Variants in ARHGAP15 observed in about 807,000 individuals in gnomAD.
ARHGAP15 encodes Rho GTPase activating protein 15, also known as rho GTPase-activating protein 15.
Under a neutral mutation model 63.7 loss-of-function variants are expected in ARHGAP15, and 51 were observed. The observed-to-expected ratio is 0.80, with a 90% CI of 0.64 to 1.01. The LOEUF is 1.01. Among genes scored for constraint, ARHGAP15 ranks in the 50% least tolerant of loss-of-function variants. The probability of loss-of-function intolerance (pLI) is 0.00; values close to 1 mark genes in which losing one functional copy is unlikely to be tolerated. For missense variants in ARHGAP15, 560 were observed against 564.6 expected, an observed-to-expected ratio of 0.99 and a Z score of 0.08; for synonymous variants, 191 against 193.8, an observed-to-expected ratio of 0.99 and a Z score of 0.12.
intron 2 of ARHGAP15, among the ~76,000 whole-genome samples, chr2:143,183,562 T>A (rs539188501): frequency 3.3e-5 from 5 of 152,112 alleles, no homozygotes; most frequent in African/African-American, 1.2e-4. Context: ...CTAAAAAGGA[T>A]AAGATAAGAA....
chr2:143,721,747 C>T (rs1460199500), intron 13 of ARHGAP15, among the ~76,000 whole-genome samples: 2 of 151,588 alleles, frequency 1.3e-5, no homozygotes, highest in Non-Finnish European at 2.9e-5. Context: ...AGTGCAGTGG[C>T]GGGATCTTGG....
chr2:143,247,128 G>A (rs79180574), intron 5 of ARHGAP15, among the ~76,000 whole-genome samples: 3 of 152,286 alleles, frequency 2.0e-5, no homozygotes, highest in Admixed American at 6.5e-5. Context: ...TTCCTTGTCC[G>A]TGAGGAACAC....
intron 5 of ARHGAP15, among the ~76,000 whole-genome samples, chr2:143,233,263 G>T (rs939808578): frequency 6.6e-6 from 1 of 151,704 alleles, no homozygotes; most frequent in South Asian, 2.1e-4. Context: ...TATATTCTGA[G>T]AAATTCCTGT....
At position 143,666,896 on chromosome 2, in the gene ARHGAP15, C is replaced by T. The variant is rs1475392278; in HGVS notation, c.1139-36523C>T. On this transcript the variant is annotated intron_variant, in intron 12 of 13. Coordinates refer to ENST00000295095, the MANE Select transcript of ARHGAP15 (RefSeq NM_018460.4). The stretch of plus-strand genomic sequence containing the variant: ...TACCATCTCACACCAGTTAGAATGG[C>T]AATCATTAAAAAGTCAGGAAACAAC... 2.4e-4 allele frequency among the ~76,000 whole-genome samples: 35 copies of T among 147,170 alleles called. No individual in the cohort carries two copies. The East Asian group carries it at 3.7e-3, about 16-fold the overall frequency.
At chr2:143,637,802 A>T (rs910392600) in intron 12 of ARHGAP15, among the ~76,000 whole-genome samples, 1 of 152,054 alleles carries the variant, frequency 6.6e-6, no homozygotes, top group Non-Finnish European at 1.5e-5. Context: ...ACAAATCTAC[A>T]TGAAAAAAAC....
intron 6 of ARHGAP15, among the ~76,000 whole-genome samples, chr2:143,424,486 A>G (rs1198560701): frequency 1.3e-5 from 2 of 152,074 alleles, no homozygotes; most frequent in Admixed American, 6.6e-5. Context: ...CATTTAAGGG[A>G]TGAGTGAAGG....
intron 3 of ARHGAP15, among the ~76,000 whole-genome samples, chr2:143,209,141 A>G (rs1283295801): frequency 6.6e-6 from 1 of 152,164 alleles, no homozygotes; most frequent in Non-Finnish European, 1.5e-5. Context: ...CTTTGGGGGA[A>G]TAGTTCTATT....
chr2:143,145,987 A>G (rs950041439), intron 1 of ARHGAP15, among the ~76,000 whole-genome samples: 1 of 151,778 alleles, frequency 6.6e-6, no homozygotes, highest in Non-Finnish European at 1.5e-5. Context: ...CTAAAAATAA[A>G]TAAAGTTGAA....
chr2:143,648,084 T>C (rs1680975496), intron 12 of ARHGAP15, among the ~76,000 whole-genome samples: 3 of 152,050 alleles, frequency 2.0e-5, no homozygotes, highest in Admixed American at 1.3e-4. Context: ...ATGGGAGTCC[T>C]CTTAACCCTG....
chr2:143,291,103 A>AT (rs1320941654), intron 6 of ARHGAP15, among the ~76,000 whole-genome samples: 1 of 152,138 alleles, frequency 6.6e-6, no homozygotes, highest in African/African-American at 2.4e-5. Context: ...TAAGAGAATT[A>AT]TTGAGAGCAA....
intron 2 of ARHGAP15, among the ~76,000 whole-genome samples, chr2:143,160,377 A>G (rs1690243173): frequency 6.6e-6 from 1 of 151,930 alleles, no homozygotes; most frequent in Non-Finnish European, 1.5e-5. Context: ...TTTGTAAGCC[A>G]TTTTGGTTTA....
chr2:143,129,562 A>G (rs1350168786), intron 1 of ARHGAP15, 96 bp downstream of exon 1: 1 of 152,214 alleles, frequency 6.6e-6, no homozygotes, highest in Non-Finnish European at 1.5e-5. Context: ...CATTTCTACA[A>G]AATATGACGC....
At chr2:143,572,591 GTCTC>G (rs758305043) in intron 11 of ARHGAP15, among the ~76,000 whole-genome samples, 15 of 152,134 alleles carry the variant, frequency 9.9e-5, no homozygotes, top group South Asian at 4.1e-4. Context: ...AGGATTTCCA[GTCTC>G]TACATAAGGT....
chr2:143,537,807 T>C (rs976444212), intron 10 of ARHGAP15, among the ~76,000 whole-genome samples: 1 of 152,186 alleles, frequency 6.6e-6, no homozygotes, highest in Admixed American at 6.5e-5. Context: ...TGAAGTCAGG[T>C]AGCATGATGT....
At chr2:143,415,534 C>G (rs1352458950) in intron 6 of ARHGAP15, among the ~76,000 whole-genome samples, 2 of 152,066 alleles carry the variant, frequency 1.3e-5, no homozygotes, top group African/African-American at 2.4e-5. Context: ...TACTAAGAGT[C>G]AGGGAATTGC....
chr2:143,202,943 G>C (rs1692179970), intron 3 of ARHGAP15, among the ~76,000 whole-genome samples: 1 of 151,980 alleles, frequency 6.6e-6, no homozygotes, highest in Non-Finnish European at 1.5e-5. Context: ...AAACACGTAA[G>C]ACCAACCTTT....
intron 9 of ARHGAP15, among the ~76,000 whole-genome samples, chr2:143,508,149 G>GT (rs1039992607): frequency 2.6e-5 from 4 of 152,076 alleles, no homozygotes; most frequent in African/African-American, 4.8e-5. Flanking sequence ...TACATTTTAT[G>GT]TTTTTTCCTC....
chr2:143,320,394 A>C, intron 6 of ARHGAP15, among the ~76,000 whole-genome samples: 1 of 76,392 alleles, frequency 1.3e-5, no homozygotes, highest in Non-Finnish European at 2.8e-5. Flanking sequence ...AATGCCACAA[A>C]TCAGGACTTC....
At chr2:143,703,288 C>G (rs967178278) in intron 12 of ARHGAP15, 131 bp from the exon 13 acceptor site, 3 of 595,836 alleles carry the variant, frequency 5.0e-6, no homozygotes, top group Non-Finnish European at 8.7e-6. Flanking sequence ...TCCACCTATT[C>G]CCTTTGACTA....
Sources: gnomAD v4.1 joint callset for allele counts (sites outside exome capture counted in the v4.1 genomes callset) on GRCh38, gnomAD v4.1.1 for gene constraint, MANE v1.5 for transcripts, NCBI Gene and HGNC (gene_info 2026-07-23, HGNC 2026-07-21) for gene names.